KCTD16: variants seen among roughly 807,000 people sequenced by gnomAD.
KCTD16 encodes BTB/POZ domain-containing protein KCTD16.
KCTD16 carries 13 observed loss-of-function variants against 33.2 expected under a neutral mutation model. That is an observed-to-expected ratio of 0.39 (90% CI 0.25 to 0.62). KCTD16 has a LOEUF of 0.62. KCTD16 is among the 20% of genes least tolerant of loss of function. The pLI is 0.50. For missense variants in KCTD16, 441 were observed against 525.1 expected (o/e 0.84, Z 1.57); for synonymous variants, 197 against 195.3 (o/e 1.01, Z -0.07).
chr5:144,210,849 A>G (rs1221698460), intron 3 of KCTD16, among the ~76,000 whole-genome samples: 1 of 152,182 alleles, frequency 6.6e-6, no homozygotes, highest in East Asian at 1.9e-4. Context: ...CAAATGCCTG[A>G]AAGCACTAAG....
chr5:144,256,230 C>CA (rs2126835463), intron 3 of KCTD16, among the ~76,000 whole-genome samples: 1 of 152,130 alleles, frequency 6.6e-6, no homozygotes, highest in South Asian at 2.1e-4. Context: ...TTGGACAAAA[C>CA]AAAAAAGGTG....
intron 3 of KCTD16, among the ~76,000 whole-genome samples, chr5:144,328,766 G>A (rs751126048): frequency 6.6e-6 from 1 of 151,832 alleles, no homozygotes; most frequent in Non-Finnish European, 1.5e-5. Context: ...GGTTTTGCCC[G>A]CCTGCTTTAT....
At chr5:144,310,468 ACT>A (rs1751733236) in intron 3 of KCTD16, among the ~76,000 whole-genome samples, 1 of 93,342 alleles carries the variant, frequency 1.1e-5, no homozygotes, top group Non-Finnish European at 2.8e-5. Context: ...TATTTTGAAA[ACT>A]CTCCACACTG....
intron 3 of KCTD16, among the ~76,000 whole-genome samples, chr5:144,260,245 A>G (rs1754968802): frequency 6.6e-6 from 1 of 152,154 alleles, no homozygotes; most frequent in African/African-American, 2.4e-5. Flanking sequence ...GGGATTGTGG[A>G]TATGGTCTAG....
At chr5:144,343,632 T>A (rs1055353385) in intron 3 of KCTD16, among the ~76,000 whole-genome samples, 1 of 152,080 alleles carries the variant, frequency 6.6e-6, no homozygotes, top group African/African-American at 2.4e-5. Context: ...CTTTTGAATG[T>A]GTTTGCTCTT....
At chr5:144,256,912 T>C (rs1042657674) in intron 3 of KCTD16, among the ~76,000 whole-genome samples, 2 of 152,182 alleles carry the variant, frequency 1.3e-5, no homozygotes, top group Non-Finnish European at 1.5e-5. Context: ...ATTTGAAAAG[T>C]GGTTTAGTGA....
At chr5:144,172,438 G>C (rs1752410986) in intron 1 of KCTD16, among the ~76,000 whole-genome samples, 3 of 152,146 alleles carry the variant, frequency 2.0e-5, no homozygotes, top group Non-Finnish European at 1.5e-5. Context: ...TCTACTCCTA[G>C]TTATTTTGAA....
intron 3 of KCTD16, among the ~76,000 whole-genome samples, chr5:144,210,329 G>A (rs1352352693): frequency 6.6e-6 from 1 of 152,088 alleles, no homozygotes; most frequent in Non-Finnish European, 1.5e-5. Flanking sequence ...AAATGTGTTT[G>A]TCTACATCAC....
intron 3 of KCTD16, among the ~76,000 whole-genome samples, chr5:144,242,625 C>T (rs1473678796): frequency 1.3e-5 from 2 of 152,124 alleles, no homozygotes; most frequent in Admixed American, 1.3e-4. Context: ...GTGTATTTTG[C>T]TCATGATTTG....
intron 3 of KCTD16, chr5:144,385,381 A>G (rs1211567713): frequency 6.6e-6 from 1 of 152,228 alleles, no homozygotes; most frequent in Non-Finnish European, 1.5e-5. Context: ...AATTTTAAAT[A>G]GTCTTCAGTA....
At chr5:144,428,616 C>A (rs1336958038) in intron 3 of KCTD16, among the ~76,000 whole-genome samples, 1 of 152,180 alleles carries the variant, frequency 6.6e-6, no homozygotes, top group Non-Finnish European at 1.5e-5. Flanking sequence ...GCAAGTCATT[C>A]TTTATGTACT....
rs1382867825 is a variant in KCTD16 at position 144,479,707 on chromosome 5, C to T, written c.*5593C>T. The T allele has an allele frequency of 6.6e-6, 1 of 151,984 alleles. No individual in the cohort carries two copies. The highest frequency in any genetic ancestry group is 2.4e-5 in the African/African-American group (1 of 41,410). The allele number at this position is 151,984 out of a possible 1,614,324, so 9.4% of individuals were successfully genotyped here. A position where few individuals can be genotyped will look rare whatever the true frequency, so the allele number is the denominator to read the frequency against. ...AAGTGGGATCCCTTTTCTGTCCCGG[C>T]TTCCTAATGTTCAAAAAATGTTTCT... is the stretch of plus-strand genomic sequence containing the variant. On this transcript the variant is annotated 3_prime_UTR_variant, in exon 4 of 4. Transcript: ENST00000512467.
intron 3 of KCTD16, among the ~76,000 whole-genome samples, chr5:144,280,740 T>C (rs532733336): frequency 1.2e-3 from 186 of 152,254 alleles, no homozygotes; most frequent in Middle Eastern, 0.01. Context: ...CTGGCTAACA[T>C]GGTGAAACCC....
chr5:144,473,027 G>C (rs1191677141), intron 3 of KCTD16, among the ~76,000 whole-genome samples: 1 of 152,146 alleles, frequency 6.6e-6, no homozygotes, highest in African/African-American at 2.4e-5. Context: ...CTTGTATGGA[G>C]ACTGAAATTG....
chr5:144,372,916 G>A (rs1752001259), intron 3 of KCTD16, among the ~76,000 whole-genome samples: 1 of 152,170 alleles, frequency 6.6e-6, no homozygotes, highest in Non-Finnish European at 1.5e-5. Flanking sequence ...ACTGAAGAGA[G>A]GAGTTGGGCA....
At chr5:144,309,542 C>A (rs776534910) in intron 3 of KCTD16, among the ~76,000 whole-genome samples, 7 of 152,054 alleles carry the variant, frequency 4.6e-5, no homozygotes, top group Non-Finnish European at 1.0e-4. Context: ...TGGGCCAGGG[C>A]AATTTGTAAT....
intron 3 of KCTD16, among the ~76,000 whole-genome samples, chr5:144,347,509 C>T (rs907637691): frequency 6.6e-5 from 10 of 152,092 alleles, no homozygotes; most frequent in African/African-American, 9.7e-5. Context: ...GCAGGAGAAT[C>T]GCTTGAACTG....
intron 3 of KCTD16, among the ~76,000 whole-genome samples, chr5:144,379,642 A>G (rs991234915): frequency 5.9e-5 from 9 of 152,164 alleles, no homozygotes; most frequent in African/African-American, 1.9e-4. Context: ...TTGTATGGGT[A>G]TGACAGAAAA....
rs763617667 is a variant in KCTD16, at chr5:144,297,165, CGT to C, written c.832+89620_832+89621del. 2.6e-4 allele frequency among the ~76,000 whole-genome samples: 39 copies of C among 152,320 alleles called. 1 individual carries two copies. The highest frequency in any genetic ancestry group is 6.8e-3 in the Middle Eastern group (2 of 294). On this transcript the variant is annotated intron_variant, in intron 3 of 3. Transcript: ENST00000512467. The stretch of plus-strand genomic sequence containing the variant: ...TGATTCTAGCTCCGCTTCTTTTACA[CGT>C]TTGAGTTTCTTCTTCATTTTTCCTT...
Sources: allele counts gnomAD v4.1 joint callset (sites outside exome capture counted in the v4.1 genomes callset), GRCh38; gene constraint gnomAD v4.1.1; transcripts MANE v1.5; gene names NCBI Gene and HGNC (gene_info 2026-07-23, HGNC 2026-07-21).